Variants in ST8SIA5 observed in about 807,000 individuals in gnomAD.
ST8SIA5 encodes ST8 alpha-N-acetyl-neuraminide alpha-2,8-sialyltransferase 5.
A neutral mutation model predicts 40.2 loss-of-function variants in ST8SIA5; 24 were observed. That is an observed-to-expected ratio of 0.60 (90% CI 0.43 to 0.84). ST8SIA5 has a LOEUF of 0.84. Ranked by LOEUF, ST8SIA5 falls within the 40% of genes least tolerant of loss-of-function variation. The probability of loss-of-function intolerance (pLI) is 0.00; values close to 1 mark genes in which losing one functional copy is unlikely to be tolerated. For synonymous variants in ST8SIA5, 198 were observed against 201.8 expected, an observed-to-expected ratio of 0.98 and a Z score of 0.16; for missense variants, 465 against 498.5, an observed-to-expected ratio of 0.93 and a Z score of 0.64.
At chr18:46,711,513 C>T (rs1401091295) in intron 1 of ST8SIA5, among the ~76,000 whole-genome samples, 3 of 152,178 alleles carry the variant, frequency 2.0e-5, no homozygotes, top group Non-Finnish European at 2.9e-5. Flanking sequence ...TGACAGCCAT[C>T]GTTCTCTGGG....
chr18:46,747,590 T>C (rs1256295970), intron 1 of ST8SIA5, among the ~76,000 whole-genome samples: 1 of 152,098 alleles, frequency 6.6e-6, no homozygotes, highest in Non-Finnish European at 1.5e-5. Context: ...GGAGAGGATG[T>C]AGAGAAATAG....
chr18:46,705,648 C>T (rs1378268246), intron 1 of ST8SIA5, among the ~76,000 whole-genome samples: 1 of 152,252 alleles, frequency 6.6e-6, no homozygotes, highest in East Asian at 1.9e-4. Flanking sequence ...GTGGCAGAGG[C>T]CCGGTGAGCC....
intron 2 of ST8SIA5, among the ~76,000 whole-genome samples, chr18:46,701,099 C>A (rs2039609284): frequency 7.0e-6 from 1 of 142,128 alleles, no homozygotes; most frequent in Non-Finnish European, 1.5e-5. Flanking sequence ...CCCCCAGGAC[C>A]ATATAATGAA....
At chr18:46,756,264 G>A (rs1246258568) in intron 1 of ST8SIA5, 114 bp downstream of exon 1, 1 of 1,436,394 alleles carries the variant, frequency 7.0e-7, no homozygotes, top group Non-Finnish European at 9.3e-7. Flanking sequence ...GGCTAGGAGC[G>A]GACCCCACGG....
chr18:46,704,950 T>C (rs1476562621), intron 1 of ST8SIA5, among the ~76,000 whole-genome samples: 1 of 152,172 alleles, frequency 6.6e-6, no homozygotes, highest in Non-Finnish European at 1.5e-5. Flanking sequence ...CAGGTTTGGT[T>C]CCAAGTTTGT....
At chr18:46,733,301 A>G (rs1599143352) in intron 1 of ST8SIA5, among the ~76,000 whole-genome samples, 2 of 152,208 alleles carry the variant, frequency 1.3e-5, no homozygotes, top group African/African-American at 4.8e-5. Context: ...TTGCTTTTCT[A>G]TTGTTAATCA....
intron 2 of ST8SIA5, among the ~76,000 whole-genome samples, chr18:46,697,059 C>A (rs978763305): frequency 1.4e-5 from 2 of 147,856 alleles, no homozygotes; most frequent in African/African-American, 5.0e-5. Context: ...AAAACCATGG[C>A]AGCCAAATGC....
chr18:46,756,837 A>G lies in ST8SIA5; in HGVS notation c.-329T>C, dbSNP rs2040255663. 3.5e-6 allele frequency: 1 copy of G among 281,922 alleles called. No individual in the cohort carries two copies. Among genetic ancestry groups the G allele is most frequent in the Non-Finnish European group, 6.6e-6 (1 of 151,500 alleles). 17.5% of individuals were successfully genotyped at this position (281,922 alleles called of 1,614,324 possible). The stretch of plus-strand genomic sequence containing the variant: ...CCGCGGAGGGGAGACGCCAGGTGCC[A>G]CGAGCCGGAGGCGGCCCCTCCCGCC... On this transcript the variant is annotated 5_prime_UTR_variant, in exon 1 of 7. Coordinates refer to ENST00000315087, the MANE Select transcript of ST8SIA5 (RefSeq NM_013305.6).
Position 46,755,120 on chromosome 18 carries a change from C to T in ST8SIA5, c.131+1258G>A, listed in dbSNP as rs146858695. Among the ~76,000 whole-genome samples the T allele has an allele frequency of 2.8e-3, 433 of 152,322 alleles. 1 individual carries two copies. Among genetic ancestry groups the T allele is most frequent in the Non-Finnish European group, 4.4e-3 (298 of 68,032 alleles). ...ACTGGCTGTAAACAAATGTTCAGAACAAGGTGCCTCATTACTCCCCAGCTC... is the reference window on the plus strand; with the variant it reads ...ACTGGCTGTAAACAAATGTTCAGAATAAGGTGCCTCATTACTCCCCAGCTC... On this transcript the variant is annotated intron_variant, in intron 1 of 6. Coordinates refer to ENST00000315087, the MANE Select transcript of ST8SIA5 (RefSeq NM_013305.6).
chr18:46,689,050 C>T (rs868345720), intron 3 of ST8SIA5, 131 bp from the exon 4 acceptor site: 10 of 1,160,514 alleles, frequency 8.6e-6, no homozygotes, highest in East Asian at 5.3e-5. Context: ...CGCTTGCCCC[C>T]ACCCTGCATG....
At chr18:46,724,888 T>A (rs1323146962) in intron 1 of ST8SIA5, among the ~76,000 whole-genome samples, 1 of 151,668 alleles carries the variant, frequency 6.6e-6, no homozygotes, top group Admixed American at 6.6e-5. Context: ...GGCATGAGAA[T>A]CACTTGAACC....
intron 1 of ST8SIA5, among the ~76,000 whole-genome samples, chr18:46,706,273 A>G (rs2039669208): frequency 1.3e-5 from 2 of 152,228 alleles, no homozygotes; most frequent in African/African-American, 4.8e-5. Context: ...GACCAAGTTA[A>G]TAAGAACTAG....
intron 3 of ST8SIA5, among the ~76,000 whole-genome samples, chr18:46,690,059 A>G (rs1323761031): frequency 6.6e-6 from 1 of 152,206 alleles, no homozygotes; most frequent in East Asian, 1.9e-4. Context: ...ATGGATTGGC[A>G]TTACAAACTG....
intron 5 of ST8SIA5, chr18:46,685,833 C>A: frequency 3.6e-6 from 1 of 281,164 alleles, no homozygotes; most frequent in Non-Finnish European, 6.9e-6. Flanking sequence ...TGGTTCCAAC[C>A]ACTGCTTCTG....
At chr18:46,690,613 C>CTT (rs34766517) in intron 3 of ST8SIA5, among the ~76,000 whole-genome samples, 37,159 of 116,780 alleles carry the variant, frequency 0.32, 7,156 homozygotes, top group East Asian at 0.4. Flanking sequence ...GCTGCTGAGA[C>CTT]TTTTTTTTTT....
At position 46,715,553 on chromosome 18, in the gene ST8SIA5, ATT is replaced by A. The variant is rs36007614; in HGVS notation, c.132-10891_132-10890del. Among the ~76,000 whole-genome samples, 1,292 of 146,172 alleles carry A rather than the reference ATT, an allele frequency of 8.8e-3. 15 individuals carry two copies. Among genetic ancestry groups the A allele is most frequent in the African/African-American group, 0.027 (1,071 of 39,632 alleles). On this transcript the variant is annotated intron_variant, in intron 1 of 6. Coordinates refer to ENST00000315087, the MANE Select transcript of ST8SIA5 (RefSeq NM_013305.6). ...GACAACAGTTGCACAGAAGTGATCTATTTTTTTTTTTTTTTAATTTTTTGAGA... is the reference window on the plus strand; with the variant it reads ...GACAACAGTTGCACAGAAGTGATCTATTTTTTTTTTTTTAATTTTTTGAGA...
intron 1 of ST8SIA5, among the ~76,000 whole-genome samples, chr18:46,748,776 AC>A (rs2040167784): frequency 6.6e-6 from 1 of 152,110 alleles, no homozygotes; most frequent in African/African-American, 2.4e-5. Flanking sequence ...ACAAATTGGA[AC>A]CCTCATACAA....
chr18:46,712,497 A>G (rs1473254168), intron 1 of ST8SIA5, among the ~76,000 whole-genome samples: 5 of 152,160 alleles, frequency 3.3e-5, no homozygotes, highest in Non-Finnish European at 7.4e-5. Context: ...CTACTCATTC[A>G]GCAGAGTCAG....
chr18:46,727,293 T>C (rs2039940794), intron 1 of ST8SIA5, among the ~76,000 whole-genome samples: 1 of 152,212 alleles, frequency 6.6e-6, no homozygotes, highest in African/African-American at 2.4e-5. Flanking sequence ...CTTTTCTCTG[T>C]TGTGTGGTTA....
Sources: gnomAD v4.1 joint callset for allele counts (sites outside exome capture counted in the v4.1 genomes callset) on GRCh38, gnomAD v4.1.1 for gene constraint, MANE v1.5 for transcripts, NCBI Gene and HGNC (gene_info 2026-07-23, HGNC 2026-07-21) for gene names.